The following RNASET2 variants were observed in gnomAD, a reference collection of about 807,000 sequenced individuals.
RNASET2 encodes the protein ribonuclease 6.
In RNASET2, 28 loss-of-function variants were observed where a neutral mutation model predicts 33.9. The observed-to-expected ratio is 0.83, with a 90% CI of 0.61 to 1.13. RNASET2 has a LOEUF of 1.13. RNASET2 is among the 50% of genes most tolerant of loss of function. The probability of loss-of-function intolerance (pLI) is 0.00; values close to 1 mark genes in which losing one functional copy is unlikely to be tolerated. For synonymous variants in RNASET2, 123 were observed against 121.0 expected (o/e 1.02, Z -0.11); for missense variants, 330 against 319.9 (o/e 1.03, Z -0.24).
rs1324794831 is a variant in RNASET2 at position 166,924,574 on chromosome 6, CT to C, written c.*5013del. On this transcript the variant is annotated 3_prime_UTR_variant, in exon 9 of 9. Coordinates refer to ENST00000508775, the MANE Select transcript of RNASET2 (RefSeq NM_003730.6). ...ACAGATCCTTCCCTGCAGTTGCTGT[CT>C]CCCTTTCTTCAGGTTCCGAGGAAGC... is the stretch of plus-strand genomic sequence containing the variant. Among the ~76,000 whole-genome samples the C allele has an allele frequency of 6.6e-6, 1 of 152,156 alleles. No individual in the cohort carries two copies. Among genetic ancestry groups the C allele is most frequent in the Non-Finnish European group, 1.5e-5 (1 of 68,036 alleles).
rs1778790411 is a variant in RNASET2, at chr6:166,944,859, T to C, written c.262-1770A>G. ...GGGGCTCCACCAGCACTGTCCCCTCTGCCCACCAGGCCCACACCTGTCAGC... is the reference window on the plus strand; with the variant it reads ...GGGGCTCCACCAGCACTGTCCCCTCCGCCCACCAGGCCCACACCTGTCAGC... On this transcript the variant is annotated intron_variant, in intron 4 of 8. Transcript: ENST00000508775. Among the ~76,000 whole-genome samples the C allele has an allele frequency of 2.0e-5, 3 of 151,908 alleles. No homozygotes were observed. In the South Asian group the frequency reaches 6.2e-4, roughly 32 times the overall value.
At chr6:166,939,151 T>C (rs1260668530) in intron 5 of RNASET2, 143 bp from the exon 6 acceptor site, 4 of 703,134 alleles carry the variant, frequency 5.7e-6, no homozygotes, top group Middle Eastern at 3.8e-4. Flanking sequence ...CTGACCAACA[T>C]GGTGAAACTG....
At chr6:166,929,870 A>G (rs1455240154) in intron 8 of RNASET2, 79 bp from the exon 9 acceptor site, 2 of 1,396,512 alleles carry the variant, frequency 1.4e-6, no homozygotes, top group Non-Finnish European at 2.0e-6. Context: ...GAACTTTTAG[A>G]ACTTTTAGAA....
At chr6:166,949,950 C>A (rs936577246) in intron 2 of RNASET2, among the ~76,000 whole-genome samples, 5 of 152,240 alleles carry the variant, frequency 3.3e-5, no homozygotes, top group Non-Finnish European at 5.9e-5. Flanking sequence ...TGGGCTCAAA[C>A]AGAACCCTTC....
chr6:166,956,235 C>T lies in RNASET2; in HGVS notation c.-53G>A. Reference sequence around the variant, plus strand: ...CAGCTGCCGCTCCGGCTCCCACTTCCCACCTGCTGCCCGAGGAAGACTTCC... The same window carrying T: ...CAGCTGCCGCTCCGGCTCCCACTTCTCACCTGCTGCCCGAGGAAGACTTCC... On this transcript the variant is annotated 5_prime_UTR_variant, in exon 1 of 9. Coordinates refer to ENST00000508775, the MANE Select transcript of RNASET2 (RefSeq NM_003730.6). 2 of 1,451,010 alleles carry T rather than the reference C, an allele frequency of 1.4e-6. No homozygotes were observed. The highest frequency in any genetic ancestry group is 2.0e-5 in the Admixed American group (1 of 50,826). The allele number at this position is 1,451,010 out of a possible 1,614,324, so 89.9% of individuals were successfully genotyped here. A position where few individuals can be genotyped will look rare whatever the true frequency, so the allele number is the denominator to read the frequency against.
In RNASET2 at chr6:166,930,864, G is replaced by C. The variant is rs188015591; in HGVS notation, c.567+180C>G. Among the ~76,000 whole-genome samples the C allele has an allele frequency of 4.7e-4, 70 of 148,274 alleles. 1 individual carries two copies. The East Asian group carries it at 0.013, about 28-fold the overall frequency. ...GCATGTACACACACATGCACACACA[G>C]CACATGCACACATGCATGTACACAC... On this transcript the variant is annotated intron_variant, in intron 8 of 8. Coordinates refer to ENST00000508775, the MANE Select transcript of RNASET2 (RefSeq NM_003730.6).
At position 166,933,212 on chromosome 6, in the gene RNASET2, A is replaced by C. The variant is rs1778488324; in HGVS notation, c.492+879T>G. On this transcript the variant is annotated intron_variant, in intron 7 of 8. Transcript: ENST00000508775. The surrounding 1 kb of genome is among the most constrained non-coding windows in gnomAD (Gnocchi z 4.1). ...CAAGAGTCTGCAAACATTTTCCGTA[A>C]AGGTCCACGTCGTAAATATCCCGGG... 6.6e-6 allele frequency among the ~76,000 whole-genome samples: 1 copy of C among 152,172 alleles called. No individual in the cohort carries two copies. Among genetic ancestry groups the C allele is most frequent in the Non-Finnish European group, 1.5e-5 (1 of 68,022 alleles).
Position 166,926,306 on chromosome 6 carries a change from G to A in RNASET2, c.*3282C>T, listed in dbSNP as rs2128642970. The stretch of plus-strand genomic sequence containing the variant: ...TAATCCTAGCACTCTGGGAGGCTGA[G>A]GCAGGCAGATCACCTGAGGTCAGGA... On this transcript the variant is annotated 3_prime_UTR_variant, in exon 9 of 9. Transcript: ENST00000508775. Among the ~76,000 whole-genome samples, 1 of 151,968 alleles carries A rather than the reference G, an allele frequency of 6.6e-6. No homozygotes were observed. The highest frequency in any genetic ancestry group is 2.1e-4 in the South Asian group (1 of 4,808).
intron 1 of RNASET2, 144 bp downstream of exon 1, chr6:166,955,953 G>T: frequency 6.5e-6 from 7 of 1,079,228 alleles, no homozygotes; most frequent in Non-Finnish European, 8.1e-6. Context: ...GGGTCACCCC[G>T]GAGCGTGCTC....
rs962188201 is a variant in RNASET2 at position 166,926,026 on chromosome 6, C to T, written c.*3562G>A. On this transcript the variant is annotated 3_prime_UTR_variant, in exon 9 of 9. Coordinates refer to ENST00000508775, the MANE Select transcript of RNASET2 (RefSeq NM_003730.6). ...ACACGGTGCCAGCGTCCAGCACTGA[C>T]AGTCAGGTGGCGTGGCAGTCAATGC... Among the ~76,000 whole-genome samples, 2 of 152,194 alleles carry T rather than the reference C, an allele frequency of 1.3e-5. No individual in the cohort carries two copies. The highest frequency in any genetic ancestry group is 2.4e-5 in the African/African-American group (1 of 41,452).
intron 3 of RNASET2, among the ~76,000 whole-genome samples, chr6:166,948,035 CT>C (rs1778890023): frequency 6.6e-6 from 1 of 152,086 alleles, no homozygotes; most frequent in African/African-American, 2.4e-5. Flanking sequence ...TACCGAGAAT[CT>C]GTAAACACTA....
chr6:166,949,500 C>CAAA (rs61621125), intron 2 of RNASET2, among the ~76,000 whole-genome samples: 379 of 44,292 alleles, frequency 8.6e-3, no homozygotes, highest in Middle Eastern at 0.016. Context: ...GACTCCATCT[C>CAAA]AAAAAAAAAA....
Position 166,925,647 on chromosome 6 carries a change from T to C in RNASET2, c.*3941A>G, listed in dbSNP as rs1046071807. 6.6e-6 allele frequency among the ~76,000 whole-genome samples: 1 copy of C among 152,216 alleles called. No individual in the cohort carries two copies. The highest frequency in any genetic ancestry group is 2.4e-5 in the African/African-American group (1 of 41,444). The stretch of plus-strand genomic sequence containing the variant: ...CCTCCCCTGTGCCATCCAGCTGGCA[T>C]CTTCTATGTAACACAACAAGAGCTG... On this transcript the variant is annotated 3_prime_UTR_variant, in exon 9 of 9. Transcript: ENST00000508775.
At chr6:166,955,480 G>A (rs1401117570) in intron 1 of RNASET2, 1 of 986,710 alleles carries the variant, frequency 1.0e-6, no homozygotes, top group African/African-American at 1.7e-5. Flanking sequence ...AAAAGAGGAA[G>A]AACCGTCGTT....
At chr6:166,931,263 C>A (rs955297507) in intron 7 of RNASET2, 145 bp from the exon 8 acceptor site, 3 of 697,874 alleles carry the variant, frequency 4.3e-6, no homozygotes, top group African/African-American at 1.8e-5. Context: ...GAGAATGATG[C>A]CCCCACCTCC....
At chr6:166,937,964 A>T (rs1258339233) in intron 6 of RNASET2, among the ~76,000 whole-genome samples, 2 of 152,158 alleles carry the variant, frequency 1.3e-5, no homozygotes, top group Non-Finnish European at 2.9e-5. Flanking sequence ...TCTGTGTGAG[A>T]CGATTTTGTA....
chr6:166,929,774 T>C lies in RNASET2; in HGVS notation c.585A>G (p.Thr195=). ...TGAGGCACAGTTCTATCTGACCAATTGTCTGTACTTCCTCATCCTAAAAGT... is the reference window on the plus strand; with the variant it reads ...TGAGGCACAGTTCTATCTGACCAATCGTCTGTACTTCCTCATCCTAAAAGT... The part of the protein sequence containing the change: ...LPPSQDEEVQ[T]IGQIELCLTK... Residue 195 remains threonine (T), a synonymous_variant, in exon 9 of 9, where the codon ACA becomes ACG. Coordinates refer to ENST00000508775, the MANE Select transcript of RNASET2 (RefSeq NM_003730.6). The C allele has an allele frequency of 2.5e-6, 4 of 1,614,082 alleles. No individual in the cohort carries two copies. The highest frequency in any genetic ancestry group is 2.5e-6 in the Non-Finnish European group (3 of 1,179,954).
In RNASET2 at chr6:166,929,518, G is replaced by GT. The variant is rs765918162; in HGVS notation, c.*69dup. 4.2e-5 allele frequency: 63 copies of GT among 1,512,428 alleles called. No homozygotes were observed. The highest frequency in any genetic ancestry group is 5.6e-5 in the Non-Finnish European group (61 of 1,088,276). 93.7% of individuals were successfully genotyped at this position (1,512,428 alleles called of 1,614,324 possible). On this transcript the variant is annotated 3_prime_UTR_variant, in exon 9 of 9. Coordinates refer to ENST00000508775, the MANE Select transcript of RNASET2 (RefSeq NM_003730.6). The stretch of plus-strand genomic sequence containing the variant: ...AATAAACAGACTTCACTTTGGAGTT[G>GT]TTTTTTAGAAAGCTGCAGTTTGTGA...
rs2128645761 is a variant in RNASET2, at chr6:166,943,091, T to C, written c.262-2A>G. On this transcript the variant is annotated splice_acceptor_variant, in intron 4 of 8. Coordinates refer to ENST00000508775, the MANE Select transcript of RNASET2 (RefSeq NM_003730.6). LOFTEE classifies it high-confidence loss of function. ...TGCCCTCATTTCTGGCAAAAGATCC[T>C]ATGCATTAAAAAATAAAATAAGTCT... 7 of 1,611,124 alleles carry C rather than the reference T, an allele frequency of 4.3e-6. No homozygotes were observed. The highest frequency in any genetic ancestry group is 5.9e-6 in the Non-Finnish European group (7 of 1,177,880).
Sources: gnomAD v4.1 joint callset for allele counts (sites outside exome capture counted in the v4.1 genomes callset) on GRCh38, gnomAD v4.1.1 for gene constraint, Gnocchi (gnomAD v3.1) non-coding constraint, MANE v1.5 for transcripts, NCBI Gene and HGNC (gene_info 2026-07-23, HGNC 2026-07-21) for gene names.